Variants in CELF2 observed in about 807,000 individuals in gnomAD.
CELF2 encodes CUGBP Elav-like family member 2, also known as CUG triplet repeat RNA-binding protein 2.
Under a neutral mutation model 62.6 loss-of-function variants are expected in CELF2, and 8 were observed. That is an observed-to-expected ratio of 0.13 (90% CI 0.07 to 0.23). CELF2 has a LOEUF of 0.23. Ranked by LOEUF, CELF2 falls within the 10% of genes least tolerant of loss-of-function variation. The probability of loss-of-function intolerance (pLI) is 1.00; values close to 1 mark genes in which losing one functional copy is unlikely to be tolerated. For missense variants in CELF2, 333 were observed against 671.0 expected, an observed-to-expected ratio of 0.50 and a Z score of 5.56; for synonymous variants, 258 against 250.0, an observed-to-expected ratio of 1.03 and a Z score of -0.30.
At chr10:10,773,088 A>G in the CELF2 span, among the ~76,000 whole-genome samples, 2 of 152,254 alleles carry the variant, frequency 1.3e-5, no homozygotes, top group Non-Finnish European at 2.9e-5. Context: ...TCTGCAGTGA[A>G]CAGCATCTGC....
chr10:10,705,749 C>T, the CELF2 span, among the ~76,000 whole-genome samples: 3 of 152,164 alleles, frequency 2.0e-5, no homozygotes, highest in Admixed American at 6.5e-5. Flanking sequence ...CCCCAGGTCC[C>T]GGTTCATGTA....
intron 7 of CELF2, among the ~76,000 whole-genome samples, chr10:11,273,978 C>T (rs574687093): frequency 4.8e-5 from 7 of 146,192 alleles, no homozygotes; most frequent in African/African-American, 1.6e-4. Context: ...ACCCCCCCCC[C>T]CCACCTTGGC....
At chr10:11,128,360 G>A (rs1034369578) in intron 1 of CELF2, among the ~76,000 whole-genome samples, 4 of 152,232 alleles carry the variant, frequency 2.6e-5, no homozygotes, top group Admixed American at 6.5e-5. Context: ...TCTTGGCAAT[G>A]TGGGCTCTTT....
chr10:10,792,550 G>T, the CELF2 span: 1 of 397,030 alleles, frequency 2.5e-6, no homozygotes, highest in South Asian at 1.3e-4. Flanking sequence ...ACAAAAACCA[G>T]AACAATCTAA....
At chr10:10,671,165 C>CAAAAAA in the CELF2 span, among the ~76,000 whole-genome samples, 2 of 62,854 alleles carry the variant, frequency 3.2e-5, no homozygotes, top group Non-Finnish European at 6.6e-5. Context: ...GATCCTGTCT[C>CAAAAAA]AAAAAAAAAA....
chr10:10,788,773 A>AT, the CELF2 span, among the ~76,000 whole-genome samples: 7 of 151,794 alleles, frequency 4.6e-5, no homozygotes, highest in East Asian at 1.9e-4. Flanking sequence ...TCTTTCCAGT[A>AT]TTTTTTTCCA....
intron 2 of CELF2, among the ~76,000 whole-genome samples, chr10:10,932,170 G>T (rs544530081): frequency 6.6e-6 from 1 of 152,108 alleles, no homozygotes; most frequent in Non-Finnish European, 1.5e-5. Flanking sequence ...TACAAGGTAC[G>T]ATGATCCCTG....
chr10:10,840,345 G>C (rs1440071196), intron 1 of CELF2, among the ~76,000 whole-genome samples: 2 of 152,164 alleles, frequency 1.3e-5, no homozygotes, highest in African/African-American at 2.4e-5. Flanking sequence ...GAGAGTGTTT[G>C]TTGCTCCGCA....
the CELF2 span, among the ~76,000 whole-genome samples, chr10:10,622,181 A>G: frequency 6.6e-6 from 1 of 152,194 alleles, no homozygotes; most frequent in African/African-American, 2.4e-5. Context: ...TAAAAGCACC[A>G]CAAGGCCTGT....
chr10:11,249,345 G>T, intron 4 of CELF2, 144 bp downstream of exon 4: 2 of 669,982 alleles, frequency 3.0e-6, no homozygotes, highest in Non-Finnish European at 5.4e-6. Context: ...TCTGTGGCCT[G>T]TGTGTCTGGA....
the CELF2 span, among the ~76,000 whole-genome samples, chr10:10,518,726 T>TAAA: frequency 7.0e-4 from 105 of 150,982 alleles, no homozygotes; most frequent in Non-Finnish European, 1.1e-3. Context: ...GATTTTTTTT[T>TAAA]AAAAAAAAAT....
intron 4 of CELF2, among the ~76,000 whole-genome samples, chr10:11,254,117 G>C (rs545414906): frequency 6.6e-6 from 1 of 152,346 alleles, no homozygotes; most frequent in South Asian, 2.1e-4. Context: ...CAAAATAACT[G>C]TGTTCTTGTA....
chr10:10,607,968 A>C, the CELF2 span, among the ~76,000 whole-genome samples: 1 of 151,910 alleles, frequency 6.6e-6, no homozygotes, highest in African/African-American at 2.4e-5. Flanking sequence ...CTCTTCTAAA[A>C]CTACAAAAAT....
chr10:11,102,120 G>C (rs1048442097), intron 1 of CELF2: 2 of 152,168 alleles, frequency 1.3e-5, no homozygotes, highest in Non-Finnish European at 2.9e-5. Flanking sequence ...TTACCACATT[G>C]AAGTTGCATA....
chr10:10,746,454 T>G, the CELF2 span, among the ~76,000 whole-genome samples: 1 of 152,202 alleles, frequency 6.6e-6, no homozygotes, highest in Non-Finnish European at 1.5e-5. Context: ...GACCCAGATT[T>G]CAGATTGATT....
chr10:11,048,806 A>G (rs2063332185), intron 1 of CELF2, among the ~76,000 whole-genome samples: 1 of 152,244 alleles, frequency 6.6e-6, no homozygotes. Context: ...TGTATGAATT[A>G]GTTGGTTAAA....
At chr10:11,212,701 G>A (rs2062179926) in intron 2 of CELF2, among the ~76,000 whole-genome samples, 1 of 150,712 alleles carries the variant, frequency 6.6e-6, no homozygotes, top group South Asian at 2.1e-4. Flanking sequence ...TGTTAAACTG[G>A]CACATGAAGA....
At chr10:10,713,759 G>T in the CELF2 span, among the ~76,000 whole-genome samples, 1 of 152,234 alleles carries the variant, frequency 6.6e-6, no homozygotes, top group African/African-American at 2.4e-5. Flanking sequence ...GATAGGCCGG[G>T]CACGGTGGCT....
chr10:11,241,343 G>C (rs892167916), intron 3 of CELF2, among the ~76,000 whole-genome samples: 1 of 152,210 alleles, frequency 6.6e-6, no homozygotes, highest in African/African-American at 2.4e-5. Flanking sequence ...GGGATTACAG[G>C]TGTGCGCCAC....
Sources: gnomAD v4.1 joint callset for allele counts (sites outside exome capture counted in the v4.1 genomes callset) on GRCh38, gnomAD v4.1.1 for gene constraint, MANE v1.5 for transcripts, NCBI Gene and HGNC (gene_info 2026-07-23, HGNC 2026-07-21) for gene names.